The following GRID2 variants were observed in gnomAD, a reference collection of about 807,000 sequenced individuals.
GRID2 encodes the protein glutamate receptor ionotropic, delta-2.
In GRID2, 33 loss-of-function variants were observed where a neutral mutation model predicts 114.8. The ratio of observed to expected loss-of-function variants is 0.29; its 90% confidence interval spans 0.22 to 0.38. The LOEUF is 0.38. Ranked by LOEUF, GRID2 falls within the 10% of genes least tolerant of loss-of-function variation. GRID2 has a pLI of 1.00. For missense variants in GRID2, 1,184 were observed against 1,257.7 expected, an observed-to-expected ratio of 0.94 and a Z score of 0.89; for synonymous variants, 505 against 449.9, an observed-to-expected ratio of 1.12 and a Z score of -1.55.
At chr4:93,193,631 G>A (rs1251185298) in intron 4 of GRID2, among the ~76,000 whole-genome samples, 1 of 152,144 alleles carries the variant, frequency 6.6e-6, no homozygotes, top group African/African-American at 2.4e-5. Flanking sequence ...TATGTCCTTA[G>A]AGCAGCATGA....
intron 2 of GRID2, among the ~76,000 whole-genome samples, chr4:92,683,631 T>C (rs1336880758): frequency 6.6e-6 from 1 of 151,908 alleles, no homozygotes; most frequent in Non-Finnish European, 1.5e-5. Flanking sequence ...AATTTCATTA[T>C]ATAGTTATCT....
intron 12 of GRID2, among the ~76,000 whole-genome samples, chr4:93,493,102 T>C (rs1727175673): frequency 6.6e-6 from 1 of 151,906 alleles, no homozygotes; most frequent in Non-Finnish European, 1.5e-5. Flanking sequence ...ATCAATAAAA[T>C]TGAGTATTTT....
chr4:93,584,094 A>C (rs762068327), intron 13 of GRID2, among the ~76,000 whole-genome samples: 1 of 152,214 alleles, frequency 6.6e-6, no homozygotes, highest in African/African-American at 2.4e-5. Flanking sequence ...ACAGTTTCAT[A>C]AAGACACAAC....
chr4:93,708,119 C>T (rs1409908990), intron 14 of GRID2, among the ~76,000 whole-genome samples: 1 of 151,838 alleles, frequency 6.6e-6, no homozygotes, highest in African/African-American at 2.4e-5. Context: ...TTATGGTCTA[C>T]TGAATGAACC....
intron 8 of GRID2, among the ~76,000 whole-genome samples, chr4:93,379,303 T>G (rs1279427532): frequency 6.6e-6 from 1 of 152,110 alleles, no homozygotes. Flanking sequence ...ATTAATATAT[T>G]GGTAAAATAT....
rs1445827888 is a variant in GRID2 at position 93,455,726 on chromosome 4, C to T, written c.1610C>T (p.Thr537Met). ...TPDRENVVDF[T>M]TRYMDYSVGV... Reference sequence around the variant, plus strand: ...GATCGTGAAAATGTGGTGGACTTTACGACACGTTACATGGACTACTCAGTG... The same window carrying T: ...GATCGTGAAAATGTGGTGGACTTTATGACACGTTACATGGACTACTCAGTG... Residue 537 changes from threonine (T) to methionine (M), a missense_variant, in exon 11 of 16, where the codon ACG becomes ATG. Thr to Met is a moderately conservative substitution (Grantham distance 81). Around this residue, in one of 3 missense-constraint regions of GRID2, gnomAD observed 717 missense variants for 796.9 expected, o/e 0.90. Coordinates refer to ENST00000282020, the MANE Select transcript of GRID2 (RefSeq NM_001510.4). 1.2e-6 allele frequency: 2 copies of T among 1,611,828 alleles called. No individual in the cohort carries two copies. Among genetic ancestry groups the T allele is most frequent in the Non-Finnish European group, 8.5e-7 (1 of 1,177,988 alleles).
intron 14 of GRID2, among the ~76,000 whole-genome samples, chr4:93,727,141 T>A (rs986515371): frequency 5.3e-5 from 8 of 152,200 alleles, no homozygotes; most frequent in African/African-American, 1.7e-4. Flanking sequence ...ATAGCTCTTA[T>A]TATTTTGAGA....
chr4:92,606,299 T>C lies in GRID2; in HGVS notation c.244+16013T>C, dbSNP rs182025856. 1.7e-3 allele frequency among the ~76,000 whole-genome samples: 262 copies of C among 152,122 alleles called. 1 individual carries two copies. The highest frequency in any genetic ancestry group is 6.0e-3 in the African/African-American group (251 of 41,536). On this transcript the variant is annotated intron_variant, in intron 2 of 15. Coordinates refer to ENST00000282020, the MANE Select transcript of GRID2 (RefSeq NM_001510.4). ...TTCTCCTGATCTTTATACTGACTTA[T>C]GAGGTATAAGGTAGTTACTATTCTT...
chr4:93,282,842 T>G (rs1752787257), intron 8 of GRID2, among the ~76,000 whole-genome samples: 1 of 151,966 alleles, frequency 6.6e-6, no homozygotes, highest in African/African-American at 2.4e-5. Context: ...TTTACCATAT[T>G]GGCAGAAGGC....
chr4:92,845,268 T>C (rs1306725002), intron 2 of GRID2, among the ~76,000 whole-genome samples: 2 of 152,144 alleles, frequency 1.3e-5, no homozygotes, highest in Admixed American at 1.3e-4. Context: ...GGTTTGTTTT[T>C]GATGCTCATA....
intron 2 of GRID2, among the ~76,000 whole-genome samples, chr4:92,713,579 A>G (rs1481752143): frequency 6.8e-6 from 1 of 146,536 alleles, no homozygotes; most frequent in Non-Finnish European, 1.5e-5. Flanking sequence ...CATGCTGCTG[A>G]TAAAGACATA....
intron 1 of GRID2, among the ~76,000 whole-genome samples, chr4:92,528,155 T>C (rs902223809): frequency 2.6e-5 from 4 of 151,826 alleles, no homozygotes; most frequent in African/African-American, 9.7e-5. Flanking sequence ...ACAGCTTAGG[T>C]GGTTCATGAT....
At chr4:93,741,190 T>TATATATAC (rs1731372316) in intron 14 of GRID2, among the ~76,000 whole-genome samples, 1 of 30,716 alleles carries the variant, frequency 3.3e-5, no homozygotes, top group Non-Finnish European at 6.2e-5. Context: ...TATATATATA[T>TATATATAC]ATATATATAT....
chr4:92,349,919 T>C (rs1228982087), intron 1 of GRID2, among the ~76,000 whole-genome samples: 1 of 151,940 alleles, frequency 6.6e-6, no homozygotes, highest in African/African-American at 2.4e-5. Flanking sequence ...CCTTAAGTTC[T>C]TCCACCTGCT....
At chr4:92,578,716 T>TTATCTATCTATCAATCTATC (rs1553902699) in intron 1 of GRID2, among the ~76,000 whole-genome samples, 1 of 111,080 alleles carries the variant, frequency 9.0e-6, no homozygotes, top group Non-Finnish European at 1.9e-5. Flanking sequence ...AAAAATATCA[T>TTATCTATCTATCAATCTATC]TATCTATCTA....
Position 93,439,776 on chromosome 4 carries a change from C to A in GRID2, c.1546-15886C>A, listed in dbSNP as rs527884028. Among the ~76,000 whole-genome samples the A allele has an allele frequency of 4.6e-5, 7 of 152,020 alleles. No individual in the cohort carries two copies. The East Asian group carries it at 7.8e-4, about 17-fold the overall frequency. ...AACTTTGGGAAGAGAGTTCAGAGAA[C>A]CTGAGAATGTGATGAGTTGTCCCCT... On this transcript the variant is annotated intron_variant, in intron 10 of 15. Coordinates refer to ENST00000282020, the MANE Select transcript of GRID2 (RefSeq NM_001510.4).
intron 2 of GRID2, among the ~76,000 whole-genome samples, chr4:92,919,258 C>T (rs1749093379): frequency 6.6e-6 from 1 of 151,934 alleles, no homozygotes; most frequent in South Asian, 2.1e-4. Context: ...CTTTATTAGT[C>T]TTGGTAGCTG....
intron 3 of GRID2, among the ~76,000 whole-genome samples, chr4:93,091,736 G>T (rs996591623): frequency 1.8e-4 from 28 of 152,106 alleles, no homozygotes; most frequent in Admixed American, 1.3e-3. Flanking sequence ...CCCCACTTTG[G>T]CCTGCATGAA....
rs879658044 is a variant in GRID2 at position 93,501,988 on chromosome 4, ATTC to A, written c.1997+11213_1997+11215del. ...TTACTGAAGTCTGCTGGATAAATAA[ATTC>A]TATCCACCACAAACTTATAGATATG... is the stretch of plus-strand genomic sequence containing the variant. On this transcript the variant is annotated intron_variant, in intron 12 of 15. Transcript: ENST00000282020. Among the ~76,000 whole-genome samples the A allele has an allele frequency of 1.2e-3, 184 of 152,164 alleles. 2 individuals are homozygous for A. Among genetic ancestry groups the A allele is most frequent in the Non-Finnish European group, 2.5e-4 (17 of 68,002 alleles).
Sources: allele counts gnomAD v4.1 joint callset (sites outside exome capture counted in the v4.1 genomes callset), GRCh38; gene constraint gnomAD v4.1.1; regional missense constraint gnomAD v4.1.1; transcripts MANE v1.5; gene names NCBI Gene and HGNC (gene_info 2026-07-23, HGNC 2026-07-21).